The following PPP6R1 variants were observed in gnomAD, a reference collection of about 807,000 sequenced individuals.
PPP6R1 encodes protein phosphatase 6 regulatory subunit 1, also known as serine/threonine-protein phosphatase 6 regulatory subunit 1.
In PPP6R1, 39 loss-of-function variants were observed where a neutral mutation model predicts 104.6. That is an observed-to-expected ratio of 0.37 (90% CI 0.29 to 0.49). The LOEUF is 0.49. Among genes scored for constraint, PPP6R1 ranks in the 20% least tolerant of loss-of-function variants. PPP6R1 has a pLI of 0.98. For missense variants in PPP6R1, 1,181 were observed against 1,155.8 expected, an observed-to-expected ratio of 1.02 and a Z score of -0.32; for synonymous variants, 549 against 479.0, an observed-to-expected ratio of 1.15 and a Z score of -1.91.
At chr19:55,256,851 G>C (rs2087597292) in intron 1 of PPP6R1, among the ~76,000 whole-genome samples, 1 of 152,168 alleles carries the variant, frequency 6.6e-6, no homozygotes, top group Non-Finnish European at 1.5e-5. Context: ...ACTGATTGCA[G>C]AGTGTCATGT....
chr19:55,240,102 G>T lies in PPP6R1; in HGVS notation c.1374C>A (p.Gly458=). The T allele has an allele frequency of 1.3e-6, 2 of 1,585,896 alleles. No homozygotes were observed. Among genetic ancestry groups the T allele is most frequent in the African/African-American group, 1.3e-5 (1 of 74,328 alleles). ...EENDRVQCAG[G]PRKGYMGHLT... is the part of the protein sequence containing the mutation. The stretch of plus-strand genomic sequence containing the variant: ...GGTGACCCATGTAGCCTTTCCGAGG[G>T]CCTCCCGCACACCTGGCAAGAGTGA... The change falls in exon 12 of 24, where the codon GGC becomes GGA. Residue 458 remains glycine, a synonymous_variant. Transcript: ENST00000412770.
At position 55,231,425 on chromosome 19, in the gene PPP6R1, G is replaced by T; in HGVS notation, c.2444C>A (p.Pro815His). ...QATFHGIRSA[P>H]SSSDSATRDP... The stretch of plus-strand genomic sequence containing the variant: ...CGCTGCTCACCTGTCCGAGGAGCTG[G>T]GGGCAGAACGGATCCCGTGGAAGGT... The change falls in exon 21 of 24, where the codon CCC becomes CAC. Residue 815 changes from proline to histidine, a missense_variant. Transcript: ENST00000412770. The T allele has an allele frequency of 6.2e-7, 1 of 1,603,412 alleles. No individual in the cohort carries two copies. Among genetic ancestry groups the T allele is most frequent in the East Asian group, 2.2e-5 (1 of 44,500 alleles).
At chr19:55,230,738 A>ACCCG in intron 22 of PPP6R1, 36 bp downstream of exon 22, 3 of 925,620 alleles carry the variant, frequency 3.2e-6, no homozygotes, top group Non-Finnish European at 1.6e-6. Flanking sequence ...CACCAGCCCC[A>ACCCG]CCCCCACCCC....
chr19:55,257,806 C>T (rs1273094294), intron 1 of PPP6R1, among the ~76,000 whole-genome samples: 4 of 152,238 alleles, frequency 2.6e-5, no homozygotes, highest in Non-Finnish European at 5.9e-5. Context: ...GGGCTGATGC[C>T]CCCTCCTCGG....
At chr19:55,256,258 C>A (rs1393296984) in intron 1 of PPP6R1, among the ~76,000 whole-genome samples, 2 of 152,232 alleles carry the variant, frequency 1.3e-5, no homozygotes, top group Non-Finnish European at 1.5e-5. Flanking sequence ...ACACACCATA[C>A]CCCAGCAGTG....
At chr19:55,255,807 A>G (rs1433599755) in intron 1 of PPP6R1, 2 of 152,454 alleles carry the variant, frequency 1.3e-5, no homozygotes, top group Non-Finnish European at 2.9e-5. Context: ...CCCCACACAG[A>G]CACCACTTCC....
At chr19:55,232,736 A>G (rs1477297115) in intron 17 of PPP6R1, 1 of 154,272 alleles carries the variant, frequency 6.5e-6, no homozygotes, top group African/African-American at 2.4e-5. Flanking sequence ...AGCTGCTCCA[A>G]AAACACTGGC....
chr19:55,240,733 TC>T (rs1295652756), intron 10 of PPP6R1, among the ~76,000 whole-genome samples: 3 of 152,154 alleles, frequency 2.0e-5, no homozygotes, highest in African/African-American at 7.2e-5. Context: ...CCCTAGCTCT[TC>T]AGCTCAAGTC....
At chr19:55,251,390 G>A (rs1049144572) in intron 1 of PPP6R1, among the ~76,000 whole-genome samples, 1 of 152,178 alleles carries the variant, frequency 6.6e-6, no homozygotes, top group African/African-American at 2.4e-5. Context: ...CTCCTCCCAG[G>A]CAGGAGGCTG....
chr19:55,231,416 G>C lies in PPP6R1; in HGVS notation c.2453C>G (p.Ser818Trp). The change falls in exon 21 of 24, where the codon TCG (serine) becomes TGG (tryptophan). Residue 818 changes from serine (S) to tryptophan (W), a missense_variant. Coordinates refer to ENST00000412770, the MANE Select transcript of PPP6R1 (RefSeq NM_014931.4). ...GCCCCACCTCGCTGCTCACCTGTCCGAGGAGCTGGGGGCAGAACGGATCCC... is the reference window on the plus strand; with the variant it reads ...GCCCCACCTCGCTGCTCACCTGTCCCAGGAGCTGGGGGCAGAACGGATCCC... ...FHGIRSAPSSSDSATRDPSTS... is the reference protein window; with the variant it reads ...FHGIRSAPSSWDSATRDPSTS... The C allele has an allele frequency of 6.3e-7, 1 of 1,599,172 alleles. No individual in the cohort carries two copies. Among genetic ancestry groups the C allele is most frequent in the Non-Finnish European group, 8.5e-7 (1 of 1,173,744 alleles).
rs753153462 is a variant in PPP6R1, at chr19:55,240,979, G to A, written c.1262C>T (p.Pro421Leu). The change falls in exon 10 of 24, where the codon CCT becomes CTT. Residue 421 changes from proline to leucine, a missense_variant. By Grantham distance (98) the Pro-to-Leu change is moderately conservative. Around this residue, in one of 2 missense-constraint regions of PPP6R1, gnomAD observed 1,042 missense variants for 955.6 expected, o/e 1.09. Transcript: ENST00000412770. ...AACAGGGTTTTGGATGGGCGTCTCA[G>A]GGCTGCTGTCAGGAGGTGGCCCCAA... is the stretch of plus-strand genomic sequence containing the variant. Reference protein sequence around the residue: ...LSLGPPPDSSPETPIQNPVVK... With the variant: ...LSLGPPPDSSLETPIQNPVVK... The A allele has an allele frequency of 1.2e-6, 2 of 1,602,262 alleles. No homozygotes were observed. Among genetic ancestry groups the A allele is most frequent in the East Asian group, 4.5e-5 (2 of 44,482 alleles).
rs1228743281 is a variant in PPP6R1, at chr19:55,241,370, A to G, written c.1030T>C (p.Trp344Arg). The change falls in exon 9 of 24, where the codon TGG (tryptophan) becomes CGG (arginine). Residue 344 changes from tryptophan to arginine, a missense_variant. Trp to Arg is a moderately radical substitution (Grantham distance 101). Coordinates refer to ENST00000412770, the MANE Select transcript of PPP6R1 (RefSeq NM_014931.4). This position sits in a 1 kb window ranked among gnomAD's most constrained non-coding sequence, Gnocchi z 5.4. ...PPKLEPLQMT[W>R]GMLAPPLGNT... is the part of the protein sequence containing the mutation. ...CCCAGAGGCGGAGCCAGCATGCCCCATGTCATCTGTAGCGGCTCCAGCTGC... is the reference window on the plus strand; with the variant it reads ...CCCAGAGGCGGAGCCAGCATGCCCCGTGTCATCTGTAGCGGCTCCAGCTGC... 4 of 1,610,862 alleles carry G rather than the reference A, an allele frequency of 2.5e-6. No homozygotes were observed. The highest frequency in any genetic ancestry group is 3.4e-6 in the Non-Finnish European group (4 of 1,179,188).
In PPP6R1 at chr19:55,230,507, C is replaced by T. The variant is rs376530234; in HGVS notation, c.*21G>A. On this transcript the variant is annotated 3_prime_UTR_variant, in exon 24 of 24. Coordinates refer to ENST00000412770, the MANE Select transcript of PPP6R1 (RefSeq NM_014931.4). ...TCCACGGGAGGACGGAAGATTTGGC[C>T]GCCGCTGCCGCACCAGGCAGCTATC... 4.8e-5 allele frequency: 77 copies of T among 1,613,148 alleles called. No individual in the cohort carries two copies. The highest frequency in any genetic ancestry group is 2.0e-4 in the South Asian group (18 of 91,068).
In PPP6R1 at chr19:55,230,003, C is replaced by T. The variant is rs77942969; in HGVS notation, c.*525G>A. The T allele has an allele frequency of 7.5e-3, 1,163 of 154,874 alleles. 7 individuals are homozygous for T. Among genetic ancestry groups the T allele is most frequent in the Non-Finnish European group, 0.012 (841 of 69,658 alleles). The allele number at this position is 154,874 out of a possible 1,614,324, so 9.6% of individuals were successfully genotyped here. ...AAAGTGCAGGGTCTGGGCAAAGGCA[C>T]GGCCCCCACTCGGGACCCTCTGGCA... On this transcript the variant is annotated 3_prime_UTR_variant, in exon 24 of 24. Transcript: ENST00000412770.
chr19:55,230,709 C>T (rs757965009), intron 22 of PPP6R1, 25 bp from the exon 23 acceptor site: 2 of 1,545,346 alleles, frequency 1.3e-6, no homozygotes, highest in South Asian at 2.4e-5. Context: ...AGGGGATGTG[C>T]AGAGGTCACT....
In PPP6R1 at chr19:55,230,419, G is replaced by C; in HGVS notation, c.*109C>G. On this transcript the variant is annotated 3_prime_UTR_variant, in exon 24 of 24. Coordinates refer to ENST00000412770, the MANE Select transcript of PPP6R1 (RefSeq NM_014931.4). ...GGGGTCCAGAGGAGAGAATGTGGGG[G>C]TGTCAGGGTGATGAGGGCAATGGGG... 6.7e-7 allele frequency: 1 copy of C among 1,492,676 alleles called. No homozygotes were observed. The highest frequency in any genetic ancestry group is 1.2e-5 in the South Asian group (1 of 84,674). The allele number at this position is 1,492,676 out of a possible 1,614,324, so 92.5% of individuals were successfully genotyped here.
rs770042987 is a variant in PPP6R1 at position 55,241,770 on chromosome 19, T to C, written c.846-131A>G. 2 of 1,165,148 alleles carry C rather than the reference T, an allele frequency of 1.7e-6. No individual in the cohort carries two copies. The highest frequency in any genetic ancestry group is 1.2e-6 in the Non-Finnish European group (1 of 846,896). The allele number at this position is 1,165,148 out of a possible 1,614,324, so 72.2% of individuals were successfully genotyped here. A position where few individuals can be genotyped will look rare whatever the true frequency, so the allele number is the denominator to read the frequency against. ...GCCACATGCCCCCAGCGCCGCTCTC[T>C]TCTGAGGCCCTTCAGACAACACCTG... On this transcript the variant is annotated intron_variant, in intron 7 of 23. Transcript: ENST00000412770. The surrounding 1 kb of genome is among the most constrained non-coding windows in gnomAD (Gnocchi z 5.4).
At chr19:55,238,937 A>G (rs2087423552) in intron 15 of PPP6R1, 1 of 163,496 alleles carries the variant, frequency 6.1e-6, no homozygotes, top group Non-Finnish European at 1.3e-5. Flanking sequence ...TTGGAAAAAA[A>G]AAGTTTTGTT....
chr19:55,231,571 G>T, intron 20 of PPP6R1, 27 bp downstream of exon 20: 1 of 1,605,264 alleles, frequency 6.2e-7, no homozygotes, highest in Non-Finnish European at 8.5e-7. Flanking sequence ...CCAGGGCCGC[G>T]GGTGGGCAGG....
Sources: gnomAD v4.1 joint callset for allele counts (sites outside exome capture counted in the v4.1 genomes callset) on GRCh38, gnomAD v4.1.1 for gene constraint, gnomAD v4.1.1 regional missense constraint, Gnocchi (gnomAD v3.1) non-coding constraint, MANE v1.5 for transcripts, NCBI Gene and HGNC (gene_info 2026-07-23, HGNC 2026-07-21) for gene names.